Variants in POLD3 observed in about 807,000 individuals in gnomAD.
The protein encoded by POLD3 is DNA polymerase delta 3, accessory subunit, also known as DNA polymerase delta subunit 3.
POLD3 carries 19 observed loss-of-function variants against 58.2 expected under a neutral mutation model. That is an observed-to-expected ratio of 0.33 (90% CI 0.23 to 0.48). POLD3 has a LOEUF of 0.48. Among genes scored for constraint, POLD3 ranks in the 20% least tolerant of loss-of-function variants. The pLI is 0.99. For missense variants in POLD3, 504 were observed against 545.5 expected (o/e 0.92, Z 0.76); for synonymous variants, 172 against 193.5 (o/e 0.89, Z 0.92).
chr11:74,645,804 G>C (rs2032991879), downstream of POLD3, among the ~76,000 whole-genome samples: 1 of 152,286 alleles, frequency 6.6e-6, no homozygotes, highest in East Asian at 1.9e-4. Context: ...AAGGGGTTAA[G>C]TAACCTGCCC....
chr11:74,656,415 C>T (rs557039903), intron 4 of POLD3, among the ~76,000 whole-genome samples: 8 of 152,212 alleles, frequency 5.3e-5, no homozygotes, highest in African/African-American at 9.6e-5. Flanking sequence ...GGTGAAAGCC[C>T]GTCTCTACTA....
chr11:74,666,932 G>A (rs1640569739), intron 4 of POLD3, among the ~76,000 whole-genome samples: 1 of 146,430 alleles, frequency 6.8e-6, no homozygotes, highest in Non-Finnish European at 1.5e-5. Flanking sequence ...AAACTTACAT[G>A]TATGAGCAAT....
Position 74,642,356 on chromosome 11 carries a change from C to G in POLD3, c.*1590C>G. 2 of 985,314 alleles carry G rather than the reference C, an allele frequency of 2.0e-6. No individual in the cohort carries two copies. Among genetic ancestry groups the G allele is most frequent in the Non-Finnish European group, 2.4e-6 (2 of 829,854 alleles). The allele number at this position is 985,314 out of a possible 1,614,324, so 61.0% of individuals were successfully genotyped here. On this transcript the variant is annotated 3_prime_UTR_variant, in exon 12 of 12. Coordinates refer to ENST00000263681, the MANE Select transcript of POLD3 (RefSeq NM_006591.3). ...AAGGATGGAGAGAAGGATGGAAAGC[C>G]TGGACTTAAACCTTTAGAAAAAACT...
At chr11:74,607,002 C>T (rs892417851) in intron 3 of POLD3, among the ~76,000 whole-genome samples, 8 of 151,990 alleles carry the variant, frequency 5.3e-5, no homozygotes, top group African/African-American at 1.4e-4. Flanking sequence ...ACCTGCCCTC[C>T]CAATAGCCTC....
intron 3 of POLD3, among the ~76,000 whole-genome samples, chr11:74,610,846 C>T (rs1011855766): frequency 5.3e-5 from 8 of 152,106 alleles, no homozygotes; most frequent in Admixed American, 5.2e-4. Flanking sequence ...ACAATCTCAG[C>T]TCATTGCAAC....
Position 74,641,585 on chromosome 11 carries a change from TC to T in POLD3, c.*823del, listed in dbSNP as rs2032915126. 3 of 985,258 alleles carry T rather than the reference TC, an allele frequency of 3.0e-6. No homozygotes were observed. Among genetic ancestry groups the T allele is most frequent in the Non-Finnish European group, 3.6e-6 (3 of 829,932 alleles). The allele number at this position is 985,258 out of a possible 1,614,324, so 61.0% of individuals were successfully genotyped here. A position where few individuals can be genotyped will look rare whatever the true frequency, so the allele number is the denominator to read the frequency against. ...TATGCTGCTCTTTGCGGTTTGTTGA[TC>T]CCCTCCTCCCCCACTCTCAATACCT... On this transcript the variant is annotated 3_prime_UTR_variant, in exon 12 of 12. Transcript: ENST00000263681.
chr11:74,656,086 C>G (rs1449214744), intron 4 of POLD3, among the ~76,000 whole-genome samples: 3 of 152,062 alleles, frequency 2.0e-5, no homozygotes, highest in Non-Finnish European at 4.4e-5. Flanking sequence ...ATAATAGTGT[C>G]AAGAACATAA....
intron 3 of POLD3, among the ~76,000 whole-genome samples, chr11:74,607,458 G>A (rs1053598568): frequency 3.3e-5 from 5 of 149,640 alleles, no homozygotes; most frequent in Non-Finnish European, 7.4e-5. Flanking sequence ...TAGTAGAGAC[G>A]GGTTTCACCA....
chr11:74,593,702 G>A (rs1317506197), intron 1 of POLD3, among the ~76,000 whole-genome samples: 5 of 152,128 alleles, frequency 3.3e-5, no homozygotes, highest in Non-Finnish European at 5.9e-5. Context: ...AAGTCATCTA[G>A]CTTCTGAATG....
At chr11:74,665,852 G>A (rs1372332524) in intron 4 of POLD3, among the ~76,000 whole-genome samples, 1 of 152,168 alleles carries the variant, frequency 6.6e-6, no homozygotes, top group Admixed American at 6.5e-5. Flanking sequence ...ATAAGACAAG[G>A]AAGTCTGCTC....
intron 4 of POLD3, among the ~76,000 whole-genome samples, chr11:74,659,106 C>T (rs1237784616): frequency 1.3e-5 from 2 of 152,170 alleles, no homozygotes; most frequent in African/African-American, 4.8e-5. Flanking sequence ...GAAATCTAGG[C>T]AGAGGTTCCC....
At chr11:74,633,743 G>T (rs1401528544) in intron 9 of POLD3, among the ~76,000 whole-genome samples, 1 of 152,198 alleles carries the variant, frequency 6.6e-6, no homozygotes, top group Non-Finnish European at 1.5e-5. Context: ...TTTCTTGGGT[G>T]ATGCCACTTC....
At chr11:74,630,193 C>T (rs984591041) in intron 9 of POLD3, among the ~76,000 whole-genome samples, 3 of 152,026 alleles carry the variant, frequency 2.0e-5, no homozygotes, top group Non-Finnish European at 4.4e-5. Context: ...ACCTACTGAG[C>T]TATCAAAGGA....
chr11:74,634,658 C>G lies in POLD3; in HGVS notation c.1082C>G (p.Pro361Arg). 1 of 1,612,620 alleles carries G rather than the reference C, an allele frequency of 6.2e-7. No homozygotes were observed. Among genetic ancestry groups the G allele is most frequent in the Non-Finnish European group, 8.5e-7 (1 of 1,178,652 alleles). ...PPPPPSPPLEPVPKTEPEPPS... is the reference protein window; with the variant it reads ...PPPPPSPPLERVPKTEPEPPS... ...CCTCCTCCGTCTCCACCTCTTGAAC[C>G]AGTGCCAAAGACTGAGCCTGAACCT... The change falls in exon 10 of 12, where the codon CCA (proline) becomes CGA (arginine). Residue 361 changes from proline to arginine, a missense_variant. This residue lies in a region of POLD3 where 385 missense variants were observed against 370.5 expected (regional missense o/e 1.04). Coordinates refer to ENST00000263681, the MANE Select transcript of POLD3 (RefSeq NM_006591.3).
intron 7 of POLD3, among the ~76,000 whole-genome samples, chr11:74,622,418 A>G (rs2032292537): frequency 6.6e-6 from 1 of 152,192 alleles, no homozygotes; most frequent in Non-Finnish European, 1.5e-5. Context: ...TGTAATTGCT[A>G]GGTAGGAGTA....
In POLD3 at chr11:74,612,874, G is replaced by A; in HGVS notation, c.260-4G>A. The A allele has an allele frequency of 6.2e-7, 1 of 1,605,764 alleles. No homozygotes were observed. Among genetic ancestry groups the A allele is most frequent in the Non-Finnish European group, 8.5e-7 (1 of 1,177,374 alleles). ...AACTGACTGCTTTTCCTGTTGACTT[G>A]TAGCAGTGAAGTCCAAGCTAGCTGT... On this transcript the variant is annotated splice_region_variant and splice_polypyrimidine_tract_variant and intron_variant, in intron 4 of 11. Transcript: ENST00000263681.
intron 2 of POLD3, among the ~76,000 whole-genome samples, chr11:74,598,799 C>A (rs999721627): frequency 6.6e-6 from 1 of 152,072 alleles, no homozygotes; most frequent in African/African-American, 2.4e-5. Flanking sequence ...TGTTCCAGCA[C>A]AATGTAGAGC....
chr11:74,646,247 A>C (rs1239442863), downstream of POLD3, among the ~76,000 whole-genome samples: 1 of 152,182 alleles, frequency 6.6e-6, no homozygotes. Context: ...AGCTGGGATT[A>C]CAGGTGTGAG....
chr11:74,611,424 T>A, intron 3 of POLD3, 75 bp from the exon 4 acceptor site: 1 of 849,904 alleles, frequency 1.2e-6, no homozygotes, highest in Admixed American at 2.0e-5. Flanking sequence ...CCAAGCACAA[T>A]TGAATTATTG....
Sources: gnomAD v4.1 joint callset for allele counts (sites outside exome capture counted in the v4.1 genomes callset) on GRCh38, gnomAD v4.1.1 for gene constraint, gnomAD v4.1.1 regional missense constraint, MANE v1.5 for transcripts, NCBI Gene and HGNC (gene_info 2026-07-23, HGNC 2026-07-21) for gene names.